Variants in CS observed in about 807,000 individuals in gnomAD.
CS encodes the protein citrate synthase, mitochondrial.
Under a neutral mutation model 61.4 loss-of-function variants are expected in CS, and 13 were observed. The ratio of observed to expected loss-of-function variants is 0.21; its 90% CI spans 0.14 to 0.34. The LOEUF (loss-of-function observed/expected upper bound fraction) is 0.34. CS is among the 10% of genes least tolerant of loss of function. CS has a pLI of 1.00. For missense variants in CS, 278 were observed against 573.4 expected (o/e 0.48, Z 5.26); for synonymous variants, 159 against 215.2 (o/e 0.74, Z 2.29).
intron 1 of CS, among the ~76,000 whole-genome samples, chr12:56,297,652 G>A (rs566064314): frequency 1.3e-4 from 20 of 152,114 alleles, no homozygotes; most frequent in South Asian, 8.3e-4. Context: ...TACAGTGAGC[G>A]GAGATTACGC....
At chr12:56,280,440 A>AAAAAAACCC (rs1555162652) in intron 6 of CS, among the ~76,000 whole-genome samples, 1,796 of 119,540 alleles carry the variant, frequency 0.015, 62 homozygotes, top group Non-Finnish European at 0.026. Flanking sequence ...AAAAAAAACA[A>AAAAAAACCC]AAAAATTAGC....
At chr12:56,274,600 A>C (rs1872586347) in intron 9 of CS, 177 bp downstream of exon 9, 1 of 544,304 alleles carries the variant, frequency 1.8e-6, no homozygotes, top group Middle Eastern at 5.0e-4. Context: ...AGTAGGTGGG[A>C]CTACAGGTGC....
chr12:56,286,670 A>G, intron 1 of CS, 25 bp from the exon 2 acceptor site: 1 of 1,608,290 alleles, frequency 6.2e-7, no homozygotes, highest in Non-Finnish European at 8.5e-7. Context: ...AGAGAACCTT[A>G]TGTAACTGTT....
At chr12:56,297,603 C>G (rs145313558) in intron 1 of CS, among the ~76,000 whole-genome samples, 129 of 152,284 alleles carry the variant, frequency 8.5e-4, no homozygotes, top group African/African-American at 2.7e-3. Flanking sequence ...ACTCAGGAGG[C>G]TGAGTCACGA....
chr12:56,290,607 G>C (rs994950312), intron 1 of CS, among the ~76,000 whole-genome samples: 1 of 152,126 alleles, frequency 6.6e-6, no homozygotes, highest in Non-Finnish European at 1.5e-5. Context: ...GAATTTTAAA[G>C]GCAGCAATTC....
At chr12:56,282,045 G>T (rs1872791433) in intron 6 of CS, among the ~76,000 whole-genome samples, 2 of 152,168 alleles carry the variant, frequency 1.3e-5, no homozygotes, top group South Asian at 2.1e-4. Flanking sequence ...TTTTAGTAGA[G>T]ATGGGGTTTC....
At chr12:56,276,331 T>C in intron 6 of CS, 136 bp from the exon 7 acceptor site, 1 of 674,644 alleles carries the variant, frequency 1.5e-6, no homozygotes, top group Admixed American at 2.5e-5. Flanking sequence ...TGTTATATAT[T>C]GAGTATGTTT....
At chr12:56,274,177 C>T (rs1211341401) in intron 9 of CS, 17 of 240,332 alleles carry the variant, frequency 7.1e-5, no homozygotes, top group African/African-American at 1.6e-4. Context: ...CAAAATTAGC[C>T]GGGCATGGTG....
intron 9 of CS, chr12:56,274,564 A>C: frequency 2.1e-6 from 1 of 479,996 alleles, no homozygotes; most frequent in Non-Finnish European, 3.7e-6. Flanking sequence ...CCTGGCCTCA[A>C]GCAATCCTCT....
At chr12:56,281,726 TG>T (rs1872781816) in intron 6 of CS, among the ~76,000 whole-genome samples, 4 of 152,210 alleles carry the variant, frequency 2.6e-5, no homozygotes, top group African/African-American at 9.7e-5. Context: ...TTGCCCAGGC[TG>T]ATCTCAAACT....
intron 1 of CS, 82 bp from the exon 2 acceptor site, chr12:56,286,727 C>A (rs772034923): frequency 3.3e-6 from 4 of 1,221,744 alleles, no homozygotes; most frequent in Non-Finnish European, 4.8e-6. Context: ...AGTGACTCAA[C>A]CTCTCTCTCT....
At chr12:56,285,478 G>T (rs1182405490) in intron 3 of CS, among the ~76,000 whole-genome samples, 6 of 152,138 alleles carry the variant, frequency 3.9e-5, no homozygotes, top group African/African-American at 4.8e-5. Context: ...CATAGAGATT[G>T]TATCTTCCTT....
chr12:56,290,277 T>C (rs1873077685), intron 1 of CS, among the ~76,000 whole-genome samples: 8 of 152,000 alleles, frequency 5.3e-5, no homozygotes, highest in Admixed American at 5.3e-4. Flanking sequence ...AATGGCACAA[T>C]CTTAGCTCAT....
At position 56,272,806 on chromosome 12, in the gene CS, G is replaced by A; in HGVS notation, c.*278C>T. The A allele has an allele frequency of 3.8e-6, 1 of 266,594 alleles. No homozygotes were observed. Among genetic ancestry groups the A allele is most frequent in the Non-Finnish European group, 7.1e-6 (1 of 140,570 alleles). 16.5% of individuals were successfully genotyped at this position (266,594 alleles called of 1,614,324 possible). The stretch of plus-strand genomic sequence containing the variant: ...ATTCTCACTCTAGAGATAGTGAGGG[G>A]GCCAAACCTACTCATACCACATGCA... On this transcript the variant is annotated 3_prime_UTR_variant, in exon 11 of 11. Transcript: ENST00000351328.
chr12:56,275,298 G>A lies in CS; in HGVS notation c.789-167C>T, dbSNP rs1035459705. The A allele has an allele frequency of 3.9e-6, 3 of 773,380 alleles. No individual in the cohort carries two copies. The African/African-American group carries it at 5.2e-5, about 13-fold the overall frequency. The allele number at this position is 773,380 out of a possible 1,614,324, so 47.9% of individuals were successfully genotyped here. On this transcript the variant is annotated intron_variant, in intron 7 of 10. Coordinates refer to ENST00000351328, the MANE Select transcript of CS (RefSeq NM_004077.3). ...GTAAAAGACATCCTAATCTTGGCCA[G>A]GCACAGTGGCTCACGCCTATAATCC...
At chr12:56,273,432 G>A in intron 10 of CS, 155 bp downstream of exon 10, 1 of 988,660 alleles carries the variant, frequency 1.0e-6, no homozygotes, top group Non-Finnish European at 1.5e-6. Context: ...TGAAAACAGA[G>A]CAACCCCAAC....
chr12:56,294,802 T>A (rs915019435), intron 1 of CS, among the ~76,000 whole-genome samples: 4 of 152,226 alleles, frequency 2.6e-5, no homozygotes, highest in Non-Finnish European at 5.9e-5. Context: ...CGAGTCTCAC[T>A]CTATTGCCCA....
intron 1 of CS, among the ~76,000 whole-genome samples, chr12:56,293,689 G>C (rs1237413479): frequency 1.3e-5 from 2 of 152,320 alleles, no homozygotes; most frequent in Admixed American, 1.3e-4. Flanking sequence ...ACTCCAGCCT[G>C]GGTGACAGAG....
intron 1 of CS, among the ~76,000 whole-genome samples, chr12:56,295,680 C>A (rs950402993): frequency 2.5e-4 from 38 of 151,834 alleles, no homozygotes; most frequent in Non-Finnish European, 5.0e-4. Context: ...TATGGCTGGG[C>A]GCGGCAGCTC....
Sources: allele counts gnomAD v4.1 joint callset (sites outside exome capture counted in the v4.1 genomes callset), GRCh38; gene constraint gnomAD v4.1.1; transcripts MANE v1.5; gene names NCBI Gene and HGNC (gene_info 2026-07-23, HGNC 2026-07-21).